ADGRB3: variants seen among roughly 807,000 people sequenced by gnomAD.
The protein encoded by ADGRB3 is brain-specific angiogenesis inhibitor 3.
A neutral mutation model predicts 193.4 loss-of-function variants in ADGRB3; 37 were observed. The observed-to-expected ratio is 0.19, with a 90% CI of 0.15 to 0.25. The LOEUF (loss-of-function observed/expected upper bound fraction) is 0.25. ADGRB3 is among the 10% of genes least tolerant of loss of function. The pLI is 1.00. For missense variants in ADGRB3, 1,637 were observed against 1,852.9 expected (o/e 0.88, Z 2.14); for synonymous variants, 690 against 644.2 (o/e 1.07, Z -1.08).
chr6:69,223,780 A>C (rs1765949813), intron 17 of ADGRB3, among the ~76,000 whole-genome samples: 1 of 150,436 alleles, frequency 6.6e-6, no homozygotes, highest in Non-Finnish European at 1.5e-5. Context: ...CATTAACCTC[A>C]AAAGTAGTTG....
intron 17 of ADGRB3, among the ~76,000 whole-genome samples, chr6:69,228,933 T>C (rs986883511): frequency 4.6e-5 from 7 of 152,186 alleles, no homozygotes; most frequent in African/African-American, 1.7e-4. Context: ...AGATCAGTGG[T>C]TCTCAACCCT....
At chr6:68,830,896 G>A (rs1033348558) in intron 3 of ADGRB3, among the ~76,000 whole-genome samples, 7 of 150,024 alleles carry the variant, frequency 4.7e-5, no homozygotes, top group Non-Finnish European at 8.8e-5. Context: ...AACCCCACCT[G>A]CCACACACAC....
At chr6:69,289,441 G>T (rs1461167097) in intron 20 of ADGRB3, among the ~76,000 whole-genome samples, 2 of 152,152 alleles carry the variant, frequency 1.3e-5, no homozygotes. Context: ...GTGGAAGGAG[G>T]AGTCATTGCC....
chr6:68,693,936 T>A (rs1018770958), intron 3 of ADGRB3, among the ~76,000 whole-genome samples: 11 of 151,996 alleles, frequency 7.2e-5, no homozygotes, highest in African/African-American at 2.7e-4. Context: ...ACAAAGAATT[T>A]TGGAGTTTCA....
At chr6:69,306,460 T>C (rs1372689521) in intron 20 of ADGRB3, among the ~76,000 whole-genome samples, 2 of 151,476 alleles carry the variant, frequency 1.3e-5, no homozygotes, top group African/African-American at 2.4e-5. Flanking sequence ...TGATAACCTA[T>C]GTACTAGGCA....
At chr6:69,343,891 T>C (rs1429306972) in intron 26 of ADGRB3, among the ~76,000 whole-genome samples, 2 of 152,194 alleles carry the variant, frequency 1.3e-5, no homozygotes, top group Non-Finnish European at 2.9e-5. Context: ...CATTGGTTGA[T>C]TGGAATTTAT....
intron 11 of ADGRB3, among the ~76,000 whole-genome samples, chr6:69,002,510 C>T (rs1174584189): frequency 1.3e-5 from 2 of 152,096 alleles, no homozygotes; most frequent in African/African-American, 2.4e-5. Context: ...AACCACTGCG[C>T]CCAGCCAAAT....
chr6:69,219,198 G>A (rs575432763), intron 17 of ADGRB3, among the ~76,000 whole-genome samples: 6 of 151,716 alleles, frequency 4.0e-5, no homozygotes, highest in East Asian at 2.0e-4. Context: ...TCTTTGTACC[G>A]GTCTTTCTCA....
At chr6:69,117,249 A>G (rs1420496394) in intron 17 of ADGRB3, among the ~76,000 whole-genome samples, 2 of 152,168 alleles carry the variant, frequency 1.3e-5, no homozygotes, top group Non-Finnish European at 2.9e-5. Context: ...TTTATTTATT[A>G]TGTCATTAAT....
chr6:68,790,276 C>G (rs1426664184), intron 3 of ADGRB3, among the ~76,000 whole-genome samples: 1 of 152,114 alleles, frequency 6.6e-6, no homozygotes, highest in African/African-American at 2.4e-5. Context: ...GGGTGCCCGC[C>G]ATTGTTGAGT....
At position 69,210,149 on chromosome 6, in the gene ADGRB3, C is replaced by CATATATATATATATATGATATATAT. The variant is rs1765629174; in HGVS notation, c.2481-23125_2481-23124insGATATATATATATATATATATATAT. On this transcript the variant is annotated intron_variant, in intron 17 of 31. Coordinates refer to ENST00000370598, the MANE Select transcript of ADGRB3 (RefSeq NM_001704.3). ...ATATATATCATATATTAATATATAT[C>CATATATATATATATATGATATATAT]ATATATATATATATATATATAAAGG... Among the ~76,000 whole-genome samples, 2 of 78,940 alleles carry CATATATATATATATATGATATATAT rather than the reference C, an allele frequency of 2.5e-5. 1 individual carries two copies. Among genetic ancestry groups the CATATATATATATATATGATATATAT allele is most frequent in the African/African-American group, 1.3e-4 (2 of 15,848 alleles). 51.8% of individuals were successfully genotyped at this position (78,940 alleles called of 152,430 possible).
chr6:68,789,221 C>T (rs1233784272), intron 3 of ADGRB3, among the ~76,000 whole-genome samples: 15 of 149,364 alleles, frequency 1.0e-4, no homozygotes, highest in East Asian at 6.0e-4. Context: ...TTATTTTGCT[C>T]GTTAGTTGAT....
chr6:68,897,691 CAGAAAG>C (rs1562076657), intron 3 of ADGRB3, among the ~76,000 whole-genome samples: 37 of 59,394 alleles, frequency 6.2e-4, no homozygotes, highest in African/African-American at 1.6e-3. Context: ...GAAAGAGAAA[CAGAAAG>C]AAGAAAGAAG....
At chr6:68,824,875 G>A (rs1767813293) in intron 3 of ADGRB3, among the ~76,000 whole-genome samples, 1 of 151,398 alleles carries the variant, frequency 6.6e-6, no homozygotes, top group African/African-American at 2.4e-5. Context: ...TTCTTTTTGA[G>A]ACAGAGTATC....
chr6:69,279,066 CATATGTAT>C (rs1561974952), intron 20 of ADGRB3, among the ~76,000 whole-genome samples: 2 of 53,758 alleles, frequency 3.7e-5, no homozygotes, highest in South Asian at 6.9e-4. Flanking sequence ...ATATTAAATA[CATATGTAT>C]ATATATATAT....
intron 26 of ADGRB3, among the ~76,000 whole-genome samples, chr6:69,342,035 C>T (rs1262347386): frequency 6.6e-6 from 1 of 152,100 alleles, no homozygotes; most frequent in Non-Finnish European, 1.5e-5. Flanking sequence ...TTGCTGTTTA[C>T]ATGAAGAAAA....
chr6:68,849,676 C>T (rs969078098), intron 3 of ADGRB3, among the ~76,000 whole-genome samples: 2 of 151,908 alleles, frequency 1.3e-5, no homozygotes, highest in Non-Finnish European at 2.9e-5. Context: ...CACTATCTCA[C>T]CCAAGTCTCA....
chr6:68,975,778 A>G (rs1768726613), intron 10 of ADGRB3, among the ~76,000 whole-genome samples: 1 of 152,208 alleles, frequency 6.6e-6, no homozygotes, highest in Admixed American at 6.5e-5. Context: ...GCAGTTTGAG[A>G]TTAAGACATT....
chr6:68,857,651 G>A (rs560132264), intron 3 of ADGRB3, among the ~76,000 whole-genome samples: 2 of 152,180 alleles, frequency 1.3e-5, no homozygotes, highest in Non-Finnish European at 2.9e-5. Flanking sequence ...AGGCAGAAGG[G>A]ACTTGTCTCA....
Sources: allele counts gnomAD v4.1 joint callset (sites outside exome capture counted in the v4.1 genomes callset), GRCh38; gene constraint gnomAD v4.1.1; transcripts MANE v1.5; gene names NCBI Gene and HGNC (gene_info 2026-07-23, HGNC 2026-07-21).